The following BTBD3 variants were observed in gnomAD, a reference collection of about 807,000 sequenced individuals.
BTBD3 encodes the protein BTB domain containing 3, also known as BTB/POZ domain-containing protein 3.
Under a neutral mutation model 41.6 loss-of-function variants are expected in BTBD3, and 14 were observed. That is an observed-to-expected ratio of 0.34 (90% CI 0.22 to 0.53). The LOEUF is 0.53. Among genes scored for constraint, BTBD3 ranks in the 20% least tolerant of loss-of-function variants. The pLI is 0.95. For missense variants in BTBD3, 426 were observed against 654.7 expected (o/e 0.65, Z 3.81); for synonymous variants, 249 against 233.7 (o/e 1.07, Z -0.60).
intron 2 of BTBD3, 36 bp downstream of exon 2, chr20:11,919,212 G>A (rs781279921): frequency 6.3e-6 from 10 of 1,580,406 alleles, no homozygotes; most frequent in Middle Eastern, 1.7e-4. Context: ...TAGTCCTGAC[G>A]TTTACAAAGA....
chr20:11,919,860 A>G (rs770398705), intron 3 of BTBD3, 24 bp downstream of exon 3: 51 of 1,595,720 alleles, frequency 3.2e-5, no homozygotes, highest in Admixed American at 5.0e-5. Context: ...GTGTGTTTGG[A>G]AAGAGTTTGT....
At chr20:11,893,797 T>A (rs754291680) in intron 1 of BTBD3, among the ~76,000 whole-genome samples, 1 of 145,732 alleles carries the variant, frequency 6.9e-6, no homozygotes, top group Non-Finnish European at 1.5e-5. Context: ...AATTAGATGA[T>A]GTGCTTCCAT....
chr20:11,895,414 C>G (rs1012952101), intron 1 of BTBD3, among the ~76,000 whole-genome samples: 1 of 152,148 alleles, frequency 6.6e-6, no homozygotes, highest in East Asian at 1.9e-4. Context: ...CTTCTTCCCC[C>G]CATCCCTTAC....
chr20:11,896,640 A>G (rs1030764245), intron 1 of BTBD3, among the ~76,000 whole-genome samples: 1 of 152,218 alleles, frequency 6.6e-6, no homozygotes, highest in African/African-American at 2.4e-5. Context: ...AAGAAAATCT[A>G]TCCTTTCATT....
chr20:11,908,401 T>C (rs907556553), intron 1 of BTBD3, among the ~76,000 whole-genome samples: 1 of 147,326 alleles, frequency 6.8e-6, no homozygotes, highest in Admixed American at 6.9e-5. Flanking sequence ...TTAATGTTTT[T>C]AATCTGTTTA....
At chr20:11,913,594 C>G (rs933418847), upstream of BTBD3, 1 of 152,092 alleles carries the variant, frequency 6.6e-6, no homozygotes, top group African/African-American at 2.4e-5. Context: ...CCAGGAGATC[C>G]GCCTCGTAGT....
chr20:11,918,776 T>C (rs2056940379), intron 1 of BTBD3, 175 bp downstream of exon 1: 1 of 725,062 alleles, frequency 1.4e-6, no homozygotes, highest in South Asian at 2.5e-5. Context: ...TGTTTTCCTC[T>C]TAGATAAAAA....
chr20:11,919,647 G>GC, intron 2 of BTBD3, 71 bp from the exon 3 acceptor site: 1 of 1,484,612 alleles, frequency 6.7e-7, no homozygotes. Context: ...GCCTAGTGTT[G>GC]TTTTTCTGCA....
At chr20:11,918,726 A>G in intron 1 of BTBD3, 125 bp downstream of exon 1, 1 of 1,084,246 alleles carries the variant, frequency 9.2e-7, no homozygotes, top group Non-Finnish European at 1.3e-6. Context: ...TTTTATTGGT[A>G]ATGGAAAATT....
chr20:11,905,430 T>C (rs2056847541), intron 1 of BTBD3, among the ~76,000 whole-genome samples: 1 of 152,216 alleles, frequency 6.6e-6, no homozygotes, highest in Non-Finnish European at 1.5e-5. Flanking sequence ...TTTAAAAGTG[T>C]TTACTCAACA....
intron 1 of BTBD3, among the ~76,000 whole-genome samples, chr20:11,908,019 A>G (rs1303865968): frequency 6.6e-6 from 1 of 152,184 alleles, no homozygotes; most frequent in Non-Finnish European, 1.5e-5. Flanking sequence ...TATAGAGTAA[A>G]GATTTGACCA....
intron 3 of BTBD3, among the ~76,000 whole-genome samples, chr20:11,920,574 G>C (rs4814041): frequency 0.79 from 119,720 of 152,188 alleles, 47,442 homozygotes; most frequent in Non-Finnish European, 0.83. Flanking sequence ...GTGTTAAACA[G>C]GTTATAGAAT....
chr20:11,918,836 A>T (rs1338170692), intron 1 of BTBD3: 2 of 572,946 alleles, frequency 3.5e-6, no homozygotes, highest in African/African-American at 3.8e-5. Flanking sequence ...TATGGGCCAT[A>T]GAAAATGGGA....
At chr20:11,920,896 AT>A (rs1342177630) in intron 3 of BTBD3, among the ~76,000 whole-genome samples, 1 of 152,200 alleles carries the variant, frequency 6.6e-6, no homozygotes, top group African/African-American at 2.4e-5. Context: ...ACTTAAAAGT[AT>A]TTAATTCATT....
At chr20:11,919,878 G>GT (rs771245955) in intron 3 of BTBD3, 42 bp downstream of exon 3, 23 of 1,519,662 alleles carry the variant, frequency 1.5e-5, no homozygotes, top group Non-Finnish European at 2.1e-5. Context: ...TGTTTATGCT[G>GT]TATTTGTACC....
rs1236325546 is a variant in BTBD3 at position 11,925,061 on chromosome 20, T to A, written c.*1395T>A. On this transcript the variant is annotated 3_prime_UTR_variant, in exon 4 of 4. Coordinates refer to ENST00000378226, the MANE Select transcript of BTBD3 (RefSeq NM_014962.4). ...ACTTCCAGTTGAAGTATCCATGTGT[T>A]TCTGGGCAGCTTTTCTGCTCAGTGT... The A allele has an allele frequency of 6.5e-6, 1 of 152,726 alleles. No homozygotes were observed. The highest frequency in any genetic ancestry group is 1.9e-4 in the East Asian group (1 of 5,200). 9.5% of individuals were successfully genotyped at this position (152,726 alleles called of 1,614,324 possible).
chr20:11,896,070 G>A (rs889255183), intron 1 of BTBD3, among the ~76,000 whole-genome samples: 1 of 152,110 alleles, frequency 6.6e-6, no homozygotes, highest in Non-Finnish European at 1.5e-5. Context: ...TGGAAGGCTC[G>A]GAAGATGAAT....
chr20:11,926,005 A>AT lies in BTBD3; in HGVS notation c.*2340dup, dbSNP rs2057016434. ...GTAAAATTTGAAAATTGTATTTAGA[A>AT]TAAGAAATTTTACATTTTAAACCCT... On this transcript the variant is annotated 3_prime_UTR_variant, in exon 4 of 4. Transcript: ENST00000378226. 6.6e-6 allele frequency: 1 copy of AT among 152,208 alleles called. No homozygotes were observed. The highest frequency in any genetic ancestry group is 2.1e-4 in the South Asian group (1 of 4,828). The allele number at this position is 152,208 out of a possible 1,614,324, so 9.4% of individuals were successfully genotyped here.
At chr20:11,911,957 T>C (rs2056892101) in intron 1 of BTBD3, among the ~76,000 whole-genome samples, 1 of 152,094 alleles carries the variant, frequency 6.6e-6, no homozygotes, top group Non-Finnish European at 1.5e-5. Context: ...CATATGGAAT[T>C]TTAAAAAGAA....
Sources: allele counts gnomAD v4.1 joint callset (sites outside exome capture counted in the v4.1 genomes callset), GRCh38; gene constraint gnomAD v4.1.1; transcripts MANE v1.5; gene names NCBI Gene and HGNC (gene_info 2026-07-23, HGNC 2026-07-21).